The following CAPN12 variants were observed in gnomAD, a reference collection of about 807,000 sequenced individuals.
CAPN12 encodes the protein calpain-12.
Under a neutral mutation model 95.0 loss-of-function variants are expected in CAPN12, and 107 were observed. That is an observed-to-expected ratio of 1.13 (90% confidence interval 0.96 to 1.32). The LOEUF is 1.32. Among genes scored for constraint, CAPN12 ranks in the 40% most tolerant of loss-of-function variants. The probability of loss-of-function intolerance (pLI) is 0.00; values close to 1 mark genes in which losing one functional copy is unlikely to be tolerated. For missense variants in CAPN12, 1,136 were observed against 997.8 expected (o/e 1.14, Z -1.87); for synonymous variants, 505 against 415.5 (o/e 1.22, Z -2.62).
At position 38,737,640 on chromosome 19, in the gene CAPN12, T is replaced by C. The variant is rs1454110886; in HGVS notation, c.966-2A>G. 4.4e-6 allele frequency: 7 copies of C among 1,586,172 alleles called. No homozygotes were observed. Among genetic ancestry groups the C allele is most frequent in the African/African-American group, 1.3e-5 (1 of 74,492 alleles). On this transcript the variant is annotated splice_acceptor_variant, in intron 8 of 20. Coordinates refer to ENST00000328867, the MANE Select transcript of CAPN12 (RefSeq NM_144691.4). LOFTEE classifies it high-confidence loss of function. ...AGGAGGAAGTCCCGCAGCTCCATCC[T>C]GCACGGTGGCCCAGTCAGACCCTGC...
At chr19:38,734,665 T>C in intron 15 of CAPN12, 148 bp downstream of exon 15, 2 of 725,800 alleles carry the variant, frequency 2.8e-6, no homozygotes, top group Non-Finnish European at 4.5e-6. Context: ...CAAGATCCCC[T>C]GCAGGGAGAT....
intron 13 of CAPN12, 33 bp downstream of exon 13, chr19:38,735,469 G>GC (rs753952866): frequency 6.2e-7 from 1 of 1,610,476 alleles, no homozygotes; most frequent in East Asian, 2.2e-5. Flanking sequence ...CAAGATCCCC[G>GC]CCCCATGCCG....
intron 10 of CAPN12, chr19:38,736,910 CTACTAGCCCCCTACT>C: frequency 4.8e-6 from 2 of 414,154 alleles, no homozygotes; most frequent in South Asian, 4.2e-5. Flanking sequence ...CCCCCCAGCC[CTACTAGCCCCCTACT>C]CCCCTCCCAG....
intron 10 of CAPN12, 67 bp downstream of exon 10, chr19:38,737,089 C>A: frequency 8.4e-7 from 1 of 1,185,212 alleles, no homozygotes; most frequent in Non-Finnish European, 1.2e-6. Context: ...CTCCCCCGCT[C>A]CTTGGCCCGG....
Position 38,736,571 on chromosome 19 carries a change from A to AAGCAAG in CAPN12, c.1363-14_1363-9dup, listed in dbSNP as rs758616265. On this transcript the variant is annotated splice_polypyrimidine_tract_variant and intron_variant, in intron 10 of 20. Coordinates refer to ENST00000328867, the MANE Select transcript of CAPN12 (RefSeq NM_144691.4). ...ACTCACCTCCTCTGGAATCTGAAAG[A>AAGCAAG]AGCAAGAGCAAGGGGCGTCGGGGCA... The AAGCAAG allele has an allele frequency of 1.7e-5, 27 of 1,562,478 alleles. No homozygotes were observed. The highest frequency in any genetic ancestry group is 4.3e-5 in the African/African-American group (3 of 69,980).
chr19:38,736,595 C>CA (rs778607464), intron 10 of CAPN12, 32 bp from the exon 11 acceptor site: 31 of 1,595,334 alleles, frequency 1.9e-5, no homozygotes, highest in Admixed American at 8.6e-5. Flanking sequence ...GGCGTCGGGG[C>CA]AGGGGAGAGG....
chr19:38,736,343 G>A lies in CAPN12; in HGVS notation c.1375-25C>T, dbSNP rs1039087793. The A allele has an allele frequency of 7.6e-6, 11 of 1,454,272 alleles. No homozygotes were observed. The African/African-American group carries it at 8.7e-5, about 12-fold the overall frequency. 90.1% of individuals were successfully genotyped at this position (1,454,272 alleles called of 1,614,324 possible). On this transcript the variant is annotated intron_variant, in intron 11 of 20. Coordinates refer to ENST00000328867, the MANE Select transcript of CAPN12 (RefSeq NM_144691.4). ...GCTGGGGACGGGGCGGCATGACCAC[G>A]GACCAGGCTCACCCCCGGCCCTTCA...
In CAPN12 at chr19:38,744,455, G is replaced by A; in HGVS notation, c.-290C>T. The A allele has an allele frequency of 2.0e-6, 1 of 506,014 alleles. No individual in the cohort carries two copies. Among genetic ancestry groups the A allele is most frequent in the Non-Finnish European group, 3.6e-6 (1 of 277,846 alleles). 31.3% of individuals were successfully genotyped at this position (506,014 alleles called of 1,614,324 possible). On this transcript the variant is annotated 5_prime_UTR_variant, in exon 1 of 21. Coordinates refer to ENST00000328867, the MANE Select transcript of CAPN12 (RefSeq NM_144691.4). Reference sequence around the variant, plus strand: ...GGGAGGACCGGCTGCCGCTGTCAGAGCACCAAGAAGGAGGTCAGTGTGGGG... The same window carrying A: ...GGGAGGACCGGCTGCCGCTGTCAGAACACCAAGAAGGAGGTCAGTGTGGGG...
Position 38,743,248 on chromosome 19 carries a change from A to G in CAPN12, c.238-146T>C, listed in dbSNP as rs527992539. ...CCCTGGGTCTCCAGAAGTTGTGCTG[A>G]GCCAGTCCCATGGTAGCCCCCTCCT... is the stretch of plus-strand genomic sequence containing the variant. On this transcript the variant is annotated intron_variant, in intron 1 of 20. Transcript: ENST00000328867. 6 of 839,630 alleles carry G rather than the reference A, an allele frequency of 7.1e-6. No homozygotes were observed. The South Asian group carries it at 9.9e-5, about 14-fold the overall frequency. 52.0% of individuals were successfully genotyped at this position (839,630 alleles called of 1,614,324 possible).
At chr19:38,735,574 G>A (rs1182961493) in intron 12 of CAPN12, 30 bp from the exon 13 acceptor site, 50 of 1,605,276 alleles carry the variant, frequency 3.1e-5, no homozygotes, top group Non-Finnish European at 4.2e-5. Context: ...AGTGGGGAGG[G>A]GGCTGTTTGC....
At chr19:38,740,368 TG>T (rs568702734) in intron 4 of CAPN12, 149 bp from the exon 5 acceptor site, 1,552 of 886,078 alleles carry the variant, frequency 1.8e-3, no homozygotes, top group Admixed American at 3.5e-3. Flanking sequence ...GGTCACCCTG[TG>T]GCCCAGGCCG....
In CAPN12 at chr19:38,736,141, G is replaced by T. The variant is rs1204870767; in HGVS notation, c.1552C>A (p.Arg518Ser). ...GTGTGGCGGCGCTCGGAGAAGACACGCAGAGTGAAGTCAGCCTCGTCGCCG... is the reference window on the plus strand; with the variant it reads ...GTGTGGCGGCGCTCGGAGAAGACACTCAGAGTGAAGTCAGCCTCGTCGCCG... The part of the protein sequence containing the change: ...HAGDEADFTL[R>S]VFSERRHTAV... The change falls in exon 12 of 21, where the codon CGT (arginine) becomes AGT (serine). Residue 518 changes from arginine (R) to serine (S), a missense_variant. Transcript: ENST00000328867. 5.9e-6 allele frequency: 9 copies of T among 1,513,742 alleles called. No homozygotes were observed. In the South Asian group the frequency reaches 1.1e-4, roughly 19 times the overall value. The allele number at this position is 1,513,742 out of a possible 1,614,324, so 93.8% of individuals were successfully genotyped here.
chr19:38,730,831 A>AG lies in CAPN12; in HGVS notation c.*20dup. Reference sequence around the variant, plus strand: ...GCTCAGCAACCCTGCCCTGAGCAGCAGGTGCGCCCATCCGGAGATCCTAGG... The same window carrying AG: ...GCTCAGCAACCCTGCCCTGAGCAGCAGGGTGCGCCCATCCGGAGATCCTAGG... On this transcript the variant is annotated 3_prime_UTR_variant, in exon 21 of 21. Coordinates refer to ENST00000328867, the MANE Select transcript of CAPN12 (RefSeq NM_144691.4). The AG allele has an allele frequency of 6.4e-7, 1 of 1,550,730 alleles. No individual in the cohort carries two copies. The highest frequency in any genetic ancestry group is 8.7e-7 in the Non-Finnish European group (1 of 1,147,098).
intron 18 of CAPN12, 177 bp from the exon 19 acceptor site, chr19:38,731,400 C>T (rs951273003): frequency 1.6e-5 from 10 of 625,098 alleles, no homozygotes; most frequent in African/African-American, 1.1e-4. Flanking sequence ...CCTGTTTCCT[C>T]ATCCATCAAA....
chr19:38,731,440 T>G (rs1057227211), intron 18 of CAPN12: 2 of 590,772 alleles, frequency 3.4e-6, no homozygotes, highest in Non-Finnish European at 6.1e-6. Flanking sequence ...CCCCATAGGG[T>G]GTGTGAAGAC....
intron 11 of CAPN12, 39 bp downstream of exon 11, chr19:38,736,513 A>C: frequency 5.0e-6 from 8 of 1,586,754 alleles, no homozygotes; most frequent in Non-Finnish European, 6.8e-6. Context: ...GGGCAGGTTG[A>C]CCAAGCCCCA....
chr19:38,731,268 A>C (rs1969583129), intron 18 of CAPN12, 45 bp from the exon 19 acceptor site: 4 of 1,507,472 alleles, frequency 2.7e-6, no homozygotes, highest in Non-Finnish European at 3.7e-6. Context: ...CAGGGAACCC[A>C]CCTTGGCATT....
intron 1 of CAPN12, among the ~76,000 whole-genome samples, chr19:38,743,365 AGGCCCAGCCCC>A (rs1568329057): frequency 3.3e-5 from 4 of 119,672 alleles, no homozygotes; most frequent in East Asian, 2.9e-4. Flanking sequence ...CCAGGAGTCC[AGGCCCAGCCCC>A]TCCTCCCTCA....
At chr19:38,736,699 C>T in intron 10 of CAPN12, 136 bp from the exon 11 acceptor site, 1 of 1,114,074 alleles carries the variant, frequency 9.0e-7, no homozygotes, top group Non-Finnish European at 1.3e-6. Context: ...AACCTTTGCC[C>T]CGCAGTCCCC....
Sources: allele counts gnomAD v4.1 joint callset (sites outside exome capture counted in the v4.1 genomes callset), GRCh38; gene constraint gnomAD v4.1.1; transcripts MANE v1.5; gene names NCBI Gene and HGNC (gene_info 2026-07-23, HGNC 2026-07-21).